Variants in GRK4 observed in about 807,000 individuals in gnomAD.
GRK4 encodes G protein-coupled receptor kinase 4, also known as G protein-coupled receptor kinase 2-like.
GRK4 carries 73 observed loss-of-function variants against 77.9 expected under a neutral mutation model. That is an observed-to-expected ratio of 0.94 (90% CI 0.78 to 1.14). The LOEUF (loss-of-function observed/expected upper bound fraction) is 1.14. Ranked by LOEUF, GRK4 falls within the 50% of genes most tolerant of loss-of-function variation. The pLI is 0.00. For synonymous variants in GRK4, 257 were observed against 254.4 expected, an observed-to-expected ratio of 1.01 and a Z score of -0.10; for missense variants, 729 against 700.2, an observed-to-expected ratio of 1.04 and a Z score of -0.46.
chr4:3,022,012 G>C (rs528882252), intron 9 of GRK4, among the ~76,000 whole-genome samples: 1 of 152,182 alleles, frequency 6.6e-6, no homozygotes, highest in African/African-American at 2.4e-5. Flanking sequence ...GAGTAGCTGG[G>C]ACTACAGGTA....
chr4:3,003,680 G>A (rs1730483460), intron 4 of GRK4, among the ~76,000 whole-genome samples: 1 of 152,122 alleles, frequency 6.6e-6, no homozygotes, highest in Admixed American at 6.6e-5. Flanking sequence ...ATGAACATGG[G>A]TGTGCAGATA....
chr4:3,011,305 G>A (rs1165084134), intron 7 of GRK4, among the ~76,000 whole-genome samples: 1 of 152,148 alleles, frequency 6.6e-6, no homozygotes, highest in African/African-American at 2.4e-5. Context: ...CTGGTGCTGG[G>A]CGCGGTGGCT....
At chr4:3,031,373 C>T (rs1739119949) in intron 12 of GRK4, among the ~76,000 whole-genome samples, 1 of 152,150 alleles carries the variant, frequency 6.6e-6, no homozygotes, top group Non-Finnish European at 1.5e-5. Flanking sequence ...GGGGTTTCCT[C>T]AACAGCATCA....
chr4:3,013,629 G>A (rs1167559190), intron 7 of GRK4, 59 bp from the exon 8 acceptor site: 12 of 1,555,464 alleles, frequency 7.7e-6, no homozygotes, highest in East Asian at 4.5e-5. Context: ...AGCTTCCTTT[G>A]TGTGGCCTAA....
intron 8 of GRK4, among the ~76,000 whole-genome samples, chr4:3,016,336 G>A (rs1274165203): frequency 6.6e-6 from 1 of 151,596 alleles, no homozygotes; most frequent in African/African-American, 2.4e-5. Flanking sequence ...GGCCAACATG[G>A]TGAAACCCTG....
chr4:2,979,688 G>A (rs573746985), intron 1 of GRK4, among the ~76,000 whole-genome samples: 1 of 152,266 alleles, frequency 6.6e-6, no homozygotes, highest in South Asian at 2.1e-4. Context: ...ACTCCAGCCT[G>A]GGCAACAAGA....
intron 10 of GRK4, among the ~76,000 whole-genome samples, chr4:3,026,267 C>A (rs1449600615): frequency 2.0e-5 from 3 of 152,108 alleles, no homozygotes; most frequent in African/African-American, 7.2e-5. Flanking sequence ...GCCAGCAGAC[C>A]GAGTTCTCGA....
At chr4:2,995,847 A>G (rs1302040959) in intron 4 of GRK4, among the ~76,000 whole-genome samples, 2 of 152,172 alleles carry the variant, frequency 1.3e-5, no homozygotes, top group Non-Finnish European at 2.9e-5. Context: ...TCACTGGTTT[A>G]AGAGAGAACA....
intron 4 of GRK4, among the ~76,000 whole-genome samples, chr4:3,001,376 T>A (rs1338595957): frequency 6.7e-6 from 1 of 148,534 alleles, no homozygotes; most frequent in African/African-American, 2.5e-5. Context: ...TATATTTTTT[T>A]TTTTTTTGAG....
rs377141653 is a variant in GRK4 at position 2,978,224 on chromosome 4, G to A, written c.53-6289G>A. ...TCTTTAAAATTACTTTATGTAGAAG[G>A]TTCTTGGTTATCTCATAGACTGTGG... On this transcript the variant is annotated intron_variant, in intron 1 of 15. Coordinates refer to ENST00000398052, the MANE Select transcript of GRK4 (RefSeq NM_182982.3). Among the ~76,000 whole-genome samples, 28 of 152,308 alleles carry A rather than the reference G, an allele frequency of 1.8e-4. No individual in the cohort carries two copies. The East Asian group carries it at 3.5e-3, about 19-fold the overall frequency.
intron 4 of GRK4, among the ~76,000 whole-genome samples, chr4:3,000,492 C>A (rs1729187691): frequency 6.6e-6 from 1 of 152,012 alleles, no homozygotes; most frequent in South Asian, 2.1e-4. Context: ...GTGCCTGGAA[C>A]AATGCATATT....
chr4:2,965,481 C>G, intron 1 of GRK4: 1 of 702,940 alleles, frequency 1.4e-6, no homozygotes, highest in Non-Finnish European at 2.6e-6. Context: ...AGCAGCTCTG[C>G]TCGGACTGTG....
At chr4:3,006,211 C>G (rs1401954969) in intron 5 of GRK4, among the ~76,000 whole-genome samples, 1 of 151,630 alleles carries the variant, frequency 6.6e-6, no homozygotes, top group Non-Finnish European at 1.5e-5. Context: ...GAAACCCTGT[C>G]TCTACTAAAC....
intron 4 of GRK4, among the ~76,000 whole-genome samples, chr4:2,996,400 C>T (rs944556167): frequency 4.6e-5 from 7 of 152,094 alleles, no homozygotes; most frequent in Admixed American, 1.3e-4. Flanking sequence ...ACTAACAATA[C>T]AAAAATTAGC....
Position 3,001,089 on chromosome 4 carries a change from A to ATATATATATATATATATGTGTGTGTG in GRK4, c.340-3141_340-3140insATATATATATATATATGTGTGTGTGT. Among the ~76,000 whole-genome samples, 51 of 82,428 alleles carry ATATATATATATATATATGTGTGTGTG rather than the reference A, an allele frequency of 6.2e-4. 5 individuals carry two copies. Among genetic ancestry groups the ATATATATATATATATATGTGTGTGTG allele is most frequent in the African/African-American group, 2.4e-3 (42 of 17,212 alleles). 54.1% of individuals were successfully genotyped at this position (82,428 alleles called of 152,430 possible). On this transcript the variant is annotated intron_variant, in intron 4 of 15. Coordinates refer to ENST00000398052, the MANE Select transcript of GRK4 (RefSeq NM_182982.3). ...TAAATGAGACTATATATATATATAT[A>ATATATATATATATATATGTGTGTGTG]TGTGTGTGTGTGTGTGTATATATAT...
chr4:3,036,012 G>A (rs1383144886), intron 13 of GRK4, among the ~76,000 whole-genome samples: 1 of 151,968 alleles, frequency 6.6e-6, no homozygotes, highest in African/African-American at 2.4e-5. Context: ...TAGAGACGGG[G>A]GTCTCCCTAT....
intron 4 of GRK4, among the ~76,000 whole-genome samples, chr4:3,001,706 A>G (rs893893448): frequency 1.3e-5 from 2 of 152,156 alleles, no homozygotes; most frequent in Non-Finnish European, 2.9e-5. Flanking sequence ...GTATTAGATA[A>G]TTTAAATGGC....
At chr4:2,984,467 T>C (rs1210423490) in intron 1 of GRK4, 46 bp from the exon 2 acceptor site, 1 of 1,038,718 alleles carries the variant, frequency 9.6e-7, no homozygotes, top group South Asian at 1.3e-5. Flanking sequence ...TATAATTGGA[T>C]ATTTCTGACT....
rs909287157 is a variant in GRK4, at chr4:3,040,582, C to A, written c.1694C>A (p.Thr565Asn). 7 of 1,610,156 alleles carry A rather than the reference C, an allele frequency of 4.3e-6. No homozygotes were observed. In the African/African-American group the frequency reaches 6.7e-5, roughly 15 times the overall value. Reference protein sequence around the residue: ...YRLFRRGGCLTMVPSEKEVEP... With the variant: ...YRLFRRGGCLNMVPSEKEVEP... ...CGCTGTGTGTTGTAGGGCTGCCTGA[C>A]CATGGTCCCCAGTGAGAAGGAAGTG... The change falls in exon 16 of 16, where the codon ACC becomes AAC. Residue 565 changes from threonine to asparagine, a missense_variant. Transcript: ENST00000398052.
Sources: gnomAD v4.1 joint callset for allele counts (sites outside exome capture counted in the v4.1 genomes callset) on GRCh38, gnomAD v4.1.1 for gene constraint, MANE v1.5 for transcripts, NCBI Gene and HGNC (gene_info 2026-07-23, HGNC 2026-07-21) for gene names.